The following TMEM126B variants were observed in gnomAD, a reference collection of about 807,000 sequenced individuals.
TMEM126B encodes the protein complex I assembly factor TMEM126B, mitochondrial.
TMEM126B carries 19 observed loss-of-function variants against 16.5 expected under a neutral mutation model. The ratio of observed to expected loss-of-function variants is 1.15; its 90% CI spans 0.80 to 1.69. The LOEUF is 1.69. Ranked by LOEUF, TMEM126B falls within the 40% of genes most tolerant of loss-of-function variation. TMEM126B has a pLI of 0.00. For synonymous variants in TMEM126B, 104 were observed against 93.2 expected, an observed-to-expected ratio of 1.12 and a Z score of -0.67; for missense variants, 293 against 278.7, an observed-to-expected ratio of 1.05 and a Z score of -0.37.
Position 85,636,162 on chromosome 11 carries a change from T to C in TMEM126B, c.626T>C (p.Ile209Thr), listed in dbSNP as rs549227957. The C allele has an allele frequency of 4.3e-5, 69 of 1,611,762 alleles. 1 individual carries two copies. The South Asian group carries it at 7.3e-4, about 17-fold the overall frequency. ...CTAGTCTTTCAGATTATGTTTGGAA[T>C]ATTAAATGGTCTATACCATTATGCA... ...IPLVFQIMFGILNGLYHYAVF... is the reference protein window; with the variant it reads ...IPLVFQIMFGTLNGLYHYAVF... The change falls in exon 5 of 5, where the codon ATA (isoleucine) becomes ACA (threonine). Residue 209 changes from isoleucine to threonine, a missense_variant. Transcript: ENST00000358867.
intron 1 of TMEM126B, chr11:85,631,402 C>T (rs991528856): frequency 1.0e-6 from 1 of 1,004,742 alleles, no homozygotes; most frequent in Non-Finnish European, 1.3e-6. Flanking sequence ...AATCATTATA[C>T]TACCAATTTC....
At chr11:85,631,235 C>G in intron 1 of TMEM126B, 1 of 1,289,224 alleles carries the variant, frequency 7.8e-7, no homozygotes. Flanking sequence ...TCCACCTCCC[C>G]ACCTGAAGAG....
rs2082298017 is a variant in TMEM126B at position 85,631,635 on chromosome 11, T to A, written c.82-52T>A. ...GAATCTGTAGAATTCTGTAAGGTTT[T>A]ATGTAATATGAATATCATTAGCTAT... On this transcript the variant is annotated intron_variant, in intron 1 of 4. Transcript: ENST00000358867. 3 of 1,565,232 alleles carry A rather than the reference T, an allele frequency of 1.9e-6. No individual in the cohort carries two copies. In the Admixed American group the frequency reaches 6.0e-5, roughly 31 times the overall value.
intron 1 of TMEM126B, among the ~76,000 whole-genome samples, 183 bp downstream of exon 1, chr11:85,628,871 C>G (rs997779757): frequency 6.6e-6 from 1 of 152,182 alleles, no homozygotes; most frequent in East Asian, 1.9e-4. Context: ...CGTAGATGAC[C>G]TAAATTCTAG....
At chr11:85,632,858 T>A (rs1398058687) in intron 2 of TMEM126B, among the ~76,000 whole-genome samples, 1 of 152,114 alleles carries the variant, frequency 6.6e-6, no homozygotes. Context: ...ATGTGCAGGT[T>A]AGTTACATAT....
intron 3 of TMEM126B, chr11:85,635,145 GGGCACGGT>G (rs1232098166): frequency 6.6e-6 from 1 of 152,354 alleles, no homozygotes; most frequent in Admixed American, 6.6e-5. Flanking sequence ...GTTTCTGGCT[GGGCACGGT>G]GGCTCATGCC....
rs909501841 is a variant in TMEM126B, at chr11:85,636,164, T to A, written c.628T>A (p.Leu210Ile). The change falls in exon 5 of 5, where the codon TTA (leucine) becomes ATA (isoleucine). Residue 210 changes from leucine to isoleucine, a missense_variant. By Grantham distance (5) the Leu-to-Ile change is conservative (BLOSUM62 2). Transcript: ENST00000358867. ...AGTCTTTCAGATTATGTTTGGAATA[T>A]TAAATGGTCTATACCATTATGCAGT... ...PLVFQIMFGI[L>I]NGLYHYAVFE... is the part of the protein sequence containing the mutation. 1 of 1,611,588 alleles carries A rather than the reference T, an allele frequency of 6.2e-7. No homozygotes were observed. Among genetic ancestry groups the A allele is most frequent in the Non-Finnish European group, 8.5e-7 (1 of 1,179,292 alleles).
At chr11:85,633,239 T>C (rs1023471644) in intron 2 of TMEM126B, among the ~76,000 whole-genome samples, 1 of 152,208 alleles carries the variant, frequency 6.6e-6, no homozygotes, top group South Asian at 2.1e-4. Context: ...TCTTTGCTAT[T>C]GTGAATAGTG....
intron 3 of TMEM126B, 40 bp from the exon 4 acceptor site, chr11:85,635,627 T>G (rs1375108217): frequency 6.9e-7 from 1 of 1,446,176 alleles, no homozygotes; most frequent in East Asian, 2.3e-5. Flanking sequence ...TAATAGCTCT[T>G]GAGTTTTAAA....
chr11:85,629,599 G>T (rs955410909), intron 1 of TMEM126B, among the ~76,000 whole-genome samples: 29 of 152,072 alleles, frequency 1.9e-4, no homozygotes, highest in Admixed American at 1.8e-3. Flanking sequence ...AGAAGATATT[G>T]CCTGGAAGTT....
At chr11:85,634,407 TA>T in intron 3 of TMEM126B, 128 bp downstream of exon 3, 1 of 677,702 alleles carries the variant, frequency 1.5e-6, no homozygotes, top group Non-Finnish European at 2.4e-6. Flanking sequence ...ACAAAGTCCA[TA>T]TACCTTGTCA....
intron 2 of TMEM126B, among the ~76,000 whole-genome samples, chr11:85,632,407 C>A (rs1258636362): frequency 1.3e-5 from 2 of 152,206 alleles, no homozygotes; most frequent in African/African-American, 4.8e-5. Context: ...CCACAACCAG[C>A]TAATTTTTGT....
chr11:85,632,185 A>T lies in TMEM126B; in HGVS notation c.203+377A>T, dbSNP rs564099173. ...TAGGATTGATTATCTCAGCCACAGTACTTAGTACAGCAAAAGGGAATACAG... is the reference window on the plus strand; with the variant it reads ...TAGGATTGATTATCTCAGCCACAGTTCTTAGTACAGCAAAAGGGAATACAG... On this transcript the variant is annotated intron_variant, in intron 2 of 4. Coordinates refer to ENST00000358867, the MANE Select transcript of TMEM126B (RefSeq NM_018480.7). Among the ~76,000 whole-genome samples, 5 of 152,334 alleles carry T rather than the reference A, an allele frequency of 3.3e-5. No individual in the cohort carries two copies. In the South Asian group the frequency reaches 1.0e-3, roughly 32 times the overall value.
In TMEM126B at chr11:85,631,823, C is replaced by A. The variant is rs757716030; in HGVS notation, c.203+15C>A. 2 of 1,585,808 alleles carry A rather than the reference C, an allele frequency of 1.3e-6. No individual in the cohort carries two copies. Among genetic ancestry groups the A allele is most frequent in the South Asian group, 1.1e-5 (1 of 87,528 alleles). On this transcript the variant is annotated intron_variant, in intron 2 of 4. Coordinates refer to ENST00000358867, the MANE Select transcript of TMEM126B (RefSeq NM_018480.7). ...AGAAAAGAAATGTAAGAGAAATGCC[C>A]AGGCTGAAAATCAGTCATTTTATTT... is the stretch of plus-strand genomic sequence containing the variant.
In TMEM126B at chr11:85,631,707, T is replaced by C; in HGVS notation, c.102T>C (p.Ser34=). 6.2e-7 allele frequency: 1 copy of C among 1,611,888 alleles called. No individual in the cohort carries two copies. Among genetic ancestry groups the C allele is most frequent in the East Asian group, 2.2e-5 (1 of 44,832 alleles). Residue 34 remains serine, a synonymous_variant, in exon 2 of 5, where the codon TCT becomes TCC. Transcript: ENST00000358867. ...TCCAGGTTTTCAAGATGGCAGCATC[T>C]ATGCATGGTCAGCCCAGTCCTTCTC... ...EAPKVFKMAA[S]MHGQPSPSLE...
In TMEM126B at chr11:85,636,209, A is replaced by G. The variant is rs949531184; in HGVS notation, c.673A>G (p.Lys225Glu). The G allele has an allele frequency of 1.3e-6, 2 of 1,543,614 alleles. No individual in the cohort carries two copies. The highest frequency in any genetic ancestry group is 2.8e-5 in the African/African-American group (2 of 72,000). Reference protein sequence around the residue: ...HYAVFEETLEKTIHEE With the variant: ...HYAVFEETLEETIHEE Reference sequence around the variant, plus strand: ...TGCAGTATTTGAAGAGACACTTGAGAAAACTATACATGAAGAGTAACCAAA... The same window carrying G: ...TGCAGTATTTGAAGAGACACTTGAGGAAACTATACATGAAGAGTAACCAAA... The change falls in exon 5 of 5, where the codon AAA becomes GAA. Residue 225 changes from lysine to glutamate, a missense_variant. Lys to Glu is a moderately conservative substitution (Grantham distance 56). Transcript: ENST00000358867.
chr11:85,632,924 G>T (rs552857060), intron 2 of TMEM126B, among the ~76,000 whole-genome samples: 2 of 151,976 alleles, frequency 1.3e-5, no homozygotes, highest in African/African-American at 4.8e-5. Flanking sequence ...TTAGCATTAG[G>T]TAGATCTCCT....
chr11:85,634,041 A>T, intron 2 of TMEM126B, 45 bp from the exon 3 acceptor site: 2 of 1,364,974 alleles, frequency 1.5e-6, no homozygotes, highest in African/African-American at 1.6e-5. Context: ...TGTATCCATT[A>T]AGTTCAATGG....
intron 1 of TMEM126B, chr11:85,629,220 G>A: frequency 7.8e-7 from 1 of 1,289,406 alleles, no homozygotes. Context: ...CATATACCAC[G>A]TGCTCCCTAA....
Sources: allele counts gnomAD v4.1 joint callset (sites outside exome capture counted in the v4.1 genomes callset), GRCh38; gene constraint gnomAD v4.1.1; transcripts MANE v1.5; gene names NCBI Gene and HGNC (gene_info 2026-07-23, HGNC 2026-07-21).